Variants in FOXP2 observed in about 807,000 individuals in gnomAD.
FOXP2 encodes forkhead box protein P2.
FOXP2 carries 12 observed loss-of-function variants against 115.8 expected under a neutral mutation model. The ratio of observed to expected loss-of-function variants is 0.10; its 90% CI spans 0.07 to 0.17. The LOEUF (loss-of-function observed/expected upper bound fraction) is 0.17, where lower values mean the gene tolerates loss of function less well. Among genes scored for constraint, FOXP2 ranks in the 10% least tolerant of loss-of-function variants. The probability of loss-of-function intolerance (pLI) is 1.00; values close to 1 mark genes in which losing one functional copy is unlikely to be tolerated. For missense variants in FOXP2, 629 were observed against 843.5 expected (o/e 0.75, Z 3.15); for synonymous variants, 328 against 297.7 (o/e 1.10, Z -1.05).
rs1425036052 is a variant in FOXP2, at chr7:114,334,928, A to AATATATATATATATATATAT, written c.-11+46821_-11+46822insATATATATATATATATATAT. ...TATATATATATTTTATATATATAGA[A>AATATATATATATATATATAT]ATCTATATATATATATATATATATA... On this transcript the variant is annotated intron_variant, in intron 2 of 17. Transcript: ENST00000634411. Among the ~76,000 whole-genome samples the AATATATATATATATATATAT allele has an allele frequency of 7.2e-5, 8 of 111,860 alleles. No homozygotes were observed. In the East Asian group the frequency reaches 1.3e-3, roughly 18 times the overall value. The allele number at this position is 111,860 out of a possible 152,430, so 73.4% of individuals were successfully genotyped here.
intron 3 of FOXP2, among the ~76,000 whole-genome samples, chr7:114,558,304 G>T (rs1800569629): frequency 2.0e-5 from 3 of 152,114 alleles, no homozygotes; most frequent in South Asian, 4.1e-4. Context: ...GTCTCATTCT[G>T]CATTCTTCAT....
chr7:114,202,499 T>A (rs570987202), intron 1 of FOXP2, among the ~76,000 whole-genome samples: 1 of 152,322 alleles, frequency 6.6e-6, no homozygotes, highest in African/African-American at 2.4e-5. Context: ...AGACCTGGCA[T>A]TGGCAGGAAT....
At chr7:114,592,412 TA>T (rs1421779664) in intron 3 of FOXP2, among the ~76,000 whole-genome samples, 1 of 152,132 alleles carries the variant, frequency 6.6e-6, no homozygotes, top group South Asian at 2.1e-4. Flanking sequence ...AATGAGCATA[TA>T]TTTTTTTTAT....
At chr7:114,143,466 C>T (rs1237530813) in intron 1 of FOXP2, among the ~76,000 whole-genome samples, 1 of 151,990 alleles carries the variant, frequency 6.6e-6, no homozygotes. Flanking sequence ...CCCCCCACCC[C>T]CAGTCTATTT....
At chr7:114,674,800 G>T (rs1026522876) in intron 16 of FOXP2, among the ~76,000 whole-genome samples, 2 of 152,048 alleles carry the variant, frequency 1.3e-5, no homozygotes, top group Admixed American at 6.6e-5. Flanking sequence ...CTAAATTTCT[G>T]TGGAGAAAGC....
At chr7:114,176,298 T>TCTCTCTCTCTCTC (rs1554426475) in intron 1 of FOXP2, among the ~76,000 whole-genome samples, 1 of 76,510 alleles carries the variant, frequency 1.3e-5, no homozygotes, top group African/African-American at 5.4e-5. Context: ...CTTTCTTTCT[T>TCTCTCTCTCTCTC]TCTCTCTCTC....
chr7:114,283,312 A>T (rs891493756), intron 1 of FOXP2, among the ~76,000 whole-genome samples: 7 of 152,172 alleles, frequency 4.6e-5, no homozygotes, highest in Non-Finnish European at 1.0e-4. Context: ...TTTCTGTTGA[A>T]CATCAGTTAC....
chr7:114,539,519 G>T (rs963954935), intron 3 of FOXP2, among the ~76,000 whole-genome samples: 4 of 151,666 alleles, frequency 2.6e-5, no homozygotes, highest in African/African-American at 9.7e-5. Flanking sequence ...TCTGTGTATT[G>T]AAAGATGAAC....
chr7:114,673,206 G>T lies in FOXP2; in HGVS notation c.2003+8770G>T, dbSNP rs1807588292. On this transcript the variant is annotated intron_variant, in intron 16 of 16. Coordinates refer to ENST00000350908, the MANE Select transcript of FOXP2 (RefSeq NM_014491.4). ...TTAGACTTGATTTGTCTGGCCAACA[G>T]ATTAGAACTATAAGGGTCCTTAGAT... Among the ~76,000 whole-genome samples the T allele has an allele frequency of 6.6e-5, 10 of 152,278 alleles. No homozygotes were observed. The South Asian group carries it at 2.1e-3, about 32-fold the overall frequency.
At chr7:114,513,383 A>T (rs1045785898) in intron 2 of FOXP2, among the ~76,000 whole-genome samples, 1 of 152,166 alleles carries the variant, frequency 6.6e-6, no homozygotes, top group Non-Finnish European at 1.5e-5. Flanking sequence ...GGGTATCAAA[A>T]TTTACCTAGT....
At chr7:114,119,182 C>T (rs1379070139) in intron 1 of FOXP2, among the ~76,000 whole-genome samples, 1 of 152,092 alleles carries the variant, frequency 6.6e-6, no homozygotes, top group East Asian at 1.9e-4. Flanking sequence ...AAATTCAGCT[C>T]ATTACCAGAG....
At chr7:114,295,915 T>C (rs1325872307) in intron 2 of FOXP2, among the ~76,000 whole-genome samples, 1 of 152,204 alleles carries the variant, frequency 6.6e-6, no homozygotes. Context: ...GAAGACTGAT[T>C]GAAACTTGTG....
intron 1 of FOXP2, among the ~76,000 whole-genome samples, chr7:114,221,915 C>A (rs1475220594): frequency 2.0e-5 from 3 of 152,110 alleles, no homozygotes; most frequent in Non-Finnish European, 4.4e-5. Context: ...AGCCCTCCCC[C>A]AATTCTATTC....
chr7:114,138,393 C>CTTT (rs34769199), intron 1 of FOXP2, among the ~76,000 whole-genome samples: 24 of 138,480 alleles, frequency 1.7e-4, no homozygotes, highest in African/African-American at 4.6e-4. Flanking sequence ...TAAGCCTATT[C>CTTT]TTTTTTTTTT....
chr7:114,444,042 A>AT (rs1794724253), intron 2 of FOXP2, among the ~76,000 whole-genome samples: 1 of 152,086 alleles, frequency 6.6e-6, no homozygotes, highest in Non-Finnish European at 1.5e-5. Flanking sequence ...GCCACCATAC[A>AT]TTTTTTACTC....
At chr7:114,616,561 T>C (rs544084645) in intron 3 of FOXP2, among the ~76,000 whole-genome samples, 12 of 152,282 alleles carry the variant, frequency 7.9e-5, no homozygotes, top group African/African-American at 2.6e-4. Flanking sequence ...CCTTAATTCT[T>C]AGCACAGTGA....
intron 1 of FOXP2, among the ~76,000 whole-genome samples, chr7:114,282,729 A>T (rs577733001): frequency 6.6e-6 from 1 of 152,280 alleles, no homozygotes; most frequent in South Asian, 2.1e-4. Context: ...TCAAAGTGGG[A>T]TGGTAATTAT....
chr7:114,512,863 C>G (rs1428510673), intron 2 of FOXP2, among the ~76,000 whole-genome samples: 1 of 152,066 alleles, frequency 6.6e-6, no homozygotes, highest in Admixed American at 6.6e-5. Context: ...GCAGGTTGAT[C>G]ATGAGGTCAA....
At chr7:114,420,129 G>A (rs1793551574) in intron 1 of FOXP2, among the ~76,000 whole-genome samples, 1 of 151,914 alleles carries the variant, frequency 6.6e-6, no homozygotes, top group Admixed American at 6.6e-5. Flanking sequence ...TTGAAGTAAA[G>A]TAAGCCTGAG....
Sources: gnomAD v4.1 joint callset for allele counts (sites outside exome capture counted in the v4.1 genomes callset) on GRCh38, gnomAD v4.1.1 for gene constraint, MANE v1.5 for transcripts, NCBI Gene and HGNC (gene_info 2026-07-23, HGNC 2026-07-21) for gene names.